VAT1L: variants seen among roughly 807,000 people sequenced by gnomAD.
VAT1L encodes putative NADPH-dependent quinone oxidoreductase VAT1L.
Under a neutral mutation model 44.1 loss-of-function variants are expected in VAT1L, and 34 were observed. That is an observed-to-expected ratio of 0.77 (90% CI 0.59 to 1.03). The LOEUF (loss-of-function observed/expected upper bound fraction) is 1.03, where lower values mean the gene tolerates loss of function less well. Among genes scored for constraint, VAT1L ranks in the 50% least tolerant of loss-of-function variants. The pLI is 0.00. For synonymous variants in VAT1L, 253 were observed against 202.2 expected (o/e 1.25, Z -2.13); for missense variants, 615 against 538.8 (o/e 1.14, Z -1.40).
At chr16:77,963,693 G>A (rs1445603310) in intron 7 of VAT1L, among the ~76,000 whole-genome samples, 2 of 151,788 alleles carry the variant, frequency 1.3e-5, no homozygotes, top group African/African-American at 2.4e-5. Flanking sequence ...GTCAGAGAAT[G>A]CAGGAGCCTG....
chr16:77,896,956 G>C (rs74337114), intron 7 of VAT1L, among the ~76,000 whole-genome samples: 2 of 152,192 alleles, frequency 1.3e-5, no homozygotes, highest in Non-Finnish European at 2.9e-5. Flanking sequence ...GGATTCTGCT[G>C]TTTCCAAAGA....
chr16:77,958,427 G>T (rs1356500190), intron 7 of VAT1L, among the ~76,000 whole-genome samples: 2 of 152,118 alleles, frequency 1.3e-5, no homozygotes, highest in African/African-American at 4.8e-5. Flanking sequence ...ATAAGCTAAA[G>T]TACCTCACAT....
At chr16:77,901,533 T>C (rs2017383412) in intron 7 of VAT1L, among the ~76,000 whole-genome samples, 1 of 152,148 alleles carries the variant, frequency 6.6e-6, no homozygotes, top group South Asian at 2.1e-4. Flanking sequence ...ACAGAATCAT[T>C]CAAAAGAATT....
intron 4 of VAT1L, among the ~76,000 whole-genome samples, chr16:77,869,283 C>A (rs1380261708): frequency 6.6e-6 from 1 of 152,230 alleles, no homozygotes. Context: ...GCTGTAATGA[C>A]TTCCTTTAGA....
At chr16:77,943,353 C>G (rs1017259414) in intron 7 of VAT1L, among the ~76,000 whole-genome samples, 1 of 151,472 alleles carries the variant, frequency 6.6e-6, no homozygotes, top group African/African-American at 2.4e-5. Context: ...CGTGAACCAC[C>G]GCACTTGGCC....
intron 4 of VAT1L, among the ~76,000 whole-genome samples, chr16:77,869,469 G>A (rs1335036748): frequency 6.6e-6 from 1 of 152,172 alleles, no homozygotes; most frequent in Non-Finnish European, 1.5e-5. Context: ...GAGGCCAGGA[G>A]TTTGAGACTA....
At chr16:77,909,524 C>T (rs773896194) in intron 7 of VAT1L, among the ~76,000 whole-genome samples, 4 of 150,994 alleles carry the variant, frequency 2.6e-5, no homozygotes, top group Non-Finnish European at 5.9e-5. Flanking sequence ...CTAATCCCAG[C>T]TACTTGGGAG....
At chr16:77,790,425 T>C (rs2015812445) in intron 1 of VAT1L, among the ~76,000 whole-genome samples, 1 of 152,098 alleles carries the variant, frequency 6.6e-6, no homozygotes, top group Admixed American at 6.5e-5. Context: ...CCCCACACTG[T>C]TTGGCCCACT....
intron 1 of VAT1L, among the ~76,000 whole-genome samples, chr16:77,809,537 G>A (rs886131113): frequency 9.9e-5 from 15 of 152,136 alleles, no homozygotes; most frequent in African/African-American, 2.9e-4. Flanking sequence ...ATGAGAGTGT[G>A]TGCTTTCACT....
chr16:77,797,996 C>T (rs557096007), intron 1 of VAT1L, among the ~76,000 whole-genome samples: 2 of 152,256 alleles, frequency 1.3e-5, no homozygotes, highest in South Asian at 2.1e-4. Context: ...GCTGTTTTAT[C>T]TTTGAACATG....
chr16:77,904,368 T>C (rs916756417), intron 7 of VAT1L, among the ~76,000 whole-genome samples: 3 of 152,178 alleles, frequency 2.0e-5, no homozygotes, highest in African/African-American at 7.2e-5. Flanking sequence ...TATCAAAGAC[T>C]GAGTGGCTTA....
intron 3 of VAT1L, among the ~76,000 whole-genome samples, chr16:77,852,252 G>A (rs758816346): frequency 1.2e-4 from 19 of 152,184 alleles, no homozygotes; most frequent in Admixed American, 6.5e-5. Flanking sequence ...GTGTCATCCC[G>A]TAGGCCCGGG....
chr16:77,788,808 G>C lies in VAT1L; in HGVS notation c.126G>C (p.Met42Ile). The C allele has an allele frequency of 6.3e-7, 1 of 1,574,934 alleles. No homozygotes were observed. Among genetic ancestry groups the C allele is most frequent in the Non-Finnish European group, 8.6e-7 (1 of 1,161,292 alleles). Residue 42 changes from methionine (M) to isoleucine (I), a missense_variant, in exon 1 of 9, where the codon ATG becomes ATC. By Grantham distance (10) the Met-to-Ile change is conservative. Coordinates refer to ENST00000302536, the MANE Select transcript of VAT1L (RefSeq NM_020927.3). ...GSHRLGDAQE[M>I]RAVVLAGFGG... Reference sequence around the variant, plus strand: ...ACCGCCTCGGGGACGCCCAGGAGATGCGCGCGGTGGTGCTGGCTGGCTTCG... The same window carrying C: ...ACCGCCTCGGGGACGCCCAGGAGATCCGCGCGGTGGTGCTGGCTGGCTTCG...
rs552272647 is a variant in VAT1L at position 77,842,914 on chromosome 16, A to C, written c.579+17453A>C. On this transcript the variant is annotated intron_variant, in intron 3 of 8. Transcript: ENST00000302536. ...ATTTTTCCCCGTTCCATTTTTGACA[A>C]GCATGCTGCTCAGTGCCTTGCATTC... Among the ~76,000 whole-genome samples the C allele has an allele frequency of 3.3e-5, 5 of 152,362 alleles. No homozygotes were observed. The East Asian group carries it at 9.6e-4, about 29-fold the overall frequency.
At chr16:77,900,695 GAA>G (rs746858329) in intron 7 of VAT1L, among the ~76,000 whole-genome samples, 3 of 126,536 alleles carry the variant, frequency 2.4e-5, no homozygotes. Flanking sequence ...ACTGTGTCTT[GAA>G]AAAAAAAAAA....
chr16:77,898,679 G>A (rs1273017345), intron 7 of VAT1L, among the ~76,000 whole-genome samples: 1 of 99,760 alleles, frequency 1.0e-5, no homozygotes, highest in Non-Finnish European at 2.1e-5. Context: ...GAAGGGGTGG[G>A]TTGGGTGGGG....
intron 7 of VAT1L, among the ~76,000 whole-genome samples, chr16:77,905,123 C>G (rs542509248): frequency 6.6e-6 from 1 of 152,302 alleles, no homozygotes; most frequent in South Asian, 2.1e-4. Context: ...TATAAAACAT[C>G]CCCTCTCTAT....
chr16:77,924,751 G>A (rs746693244), intron 7 of VAT1L, among the ~76,000 whole-genome samples: 11 of 152,126 alleles, frequency 7.2e-5, no homozygotes, highest in Non-Finnish European at 1.2e-4. Context: ...GAGCCACCAC[G>A]CCTGGCCCAT....
At chr16:77,892,820 G>C (rs1242909234) in intron 7 of VAT1L, 1 of 829,022 alleles carries the variant, frequency 1.2e-6, no homozygotes, top group African/African-American at 1.7e-5. Flanking sequence ...CAAGGTGAAA[G>C]AAGGCATGAA....
Sources: allele counts gnomAD v4.1 joint callset (sites outside exome capture counted in the v4.1 genomes callset), GRCh38; gene constraint gnomAD v4.1.1; transcripts MANE v1.5; gene names NCBI Gene and HGNC (gene_info 2026-07-23, HGNC 2026-07-21).